Variants in VPS26B observed in about 807,000 individuals in gnomAD.
VPS26B encodes vacuolar protein sorting-associated protein 26B.
In VPS26B, 10 loss-of-function variants were observed where a neutral mutation model predicts 33.3. That is an observed-to-expected ratio of 0.30 (90% CI 0.19 to 0.51). The LOEUF is 0.51. VPS26B is among the 20% of genes least tolerant of loss of function. VPS26B has a pLI of 0.98. For missense variants in VPS26B, 317 were observed against 452.7 expected (o/e 0.70, Z 2.72); for synonymous variants, 190 against 176.9 (o/e 1.07, Z -0.59).
In VPS26B at chr11:134,240,223, T is replaced by C; in HGVS notation, c.545+68T>C. On this transcript the variant is annotated intron_variant, in intron 3 of 5. Transcript: ENST00000281187. This position sits in a 1 kb window ranked among gnomAD's most constrained non-coding sequence, Gnocchi z 4.4. ...AGGTTAAGATGGGACTTGATGCAGATGCAAACTGATGACCCTCTGTGACTC... is the reference window on the plus strand; with the variant it reads ...AGGTTAAGATGGGACTTGATGCAGACGCAAACTGATGACCCTCTGTGACTC... 6.5e-7 allele frequency: 1 copy of C among 1,542,016 alleles called. No homozygotes were observed. Among genetic ancestry groups the C allele is most frequent in the East Asian group, 2.2e-5 (1 of 44,524 alleles).
intron 2 of VPS26B, among the ~76,000 whole-genome samples, chr11:134,237,368 G>T (rs1938648464): frequency 6.6e-6 from 1 of 152,210 alleles, no homozygotes; most frequent in African/African-American, 2.4e-5. Flanking sequence ...CAGGCATGCA[G>T]CCGTGGAGAT....
chr11:134,231,700 G>A (rs1938557479), intron 1 of VPS26B, among the ~76,000 whole-genome samples: 1 of 152,174 alleles, frequency 6.6e-6, no homozygotes, highest in Non-Finnish European at 1.5e-5. Context: ...GAGTAGCTGG[G>A]ATTACAGATG....
chr11:134,243,033 C>T lies in VPS26B; in HGVS notation c.546-86C>T, dbSNP rs1461511918. ...TGCAACTGGACGTTTAACCAGCACG[C>T]TTGGCCGTGGCGTGTGCGCTCTACT... On this transcript the variant is annotated intron_variant, in intron 3 of 5. Transcript: ENST00000281187. The T allele has an allele frequency of 2.2e-6, 3 of 1,392,784 alleles. No individual in the cohort carries two copies. The African/African-American group carries it at 4.3e-5, about 20-fold the overall frequency. 86.3% of individuals were successfully genotyped at this position (1,392,784 alleles called of 1,614,324 possible).
chr11:134,225,848 G>A (rs1938453595), intron 1 of VPS26B, among the ~76,000 whole-genome samples: 2 of 152,086 alleles, frequency 1.3e-5, no homozygotes, highest in Non-Finnish European at 1.5e-5. Context: ...CTCTTTAGAT[G>A]TGGTGTGAGA....
chr11:134,239,280 T>C (rs558521449), intron 2 of VPS26B, among the ~76,000 whole-genome samples: 125 of 152,288 alleles, frequency 8.2e-4, no homozygotes, highest in Middle Eastern at 6.8e-3. Context: ...CTTTTCTCCC[T>C]CCACACAGCA....
chr11:134,234,916 G>A lies in VPS26B; in HGVS notation c.243G>A (p.Gly81=). 6.2e-7 allele frequency: 1 copy of A among 1,614,092 alleles called. No individual in the cohort carries two copies. Among genetic ancestry groups the A allele is most frequent in the Non-Finnish European group, 8.5e-7 (1 of 1,179,992 alleles). Residue 81 remains glycine (G), a synonymous_variant, in exon 2 of 6, where the codon GGG becomes GGA. Coordinates refer to ENST00000281187, the MANE Select transcript of VPS26B (RefSeq NM_052875.5). Reference sequence around the variant, plus strand: ...CACCAGAACTCTACTACGATCGCGGGAACCACCATGAGTTTGTGTCCCTGG... The same window carrying A: ...CACCAGAACTCTACTACGATCGCGGAAACCACCATGAGTTTGTGTCCCTGG... ...IGQIELYYDR[G]NHHEFVSLVK...
intron 1 of VPS26B, among the ~76,000 whole-genome samples, chr11:134,229,266 TCCTG>T (rs1173485848): frequency 6.6e-6 from 1 of 152,146 alleles, no homozygotes; most frequent in Admixed American, 6.5e-5. Context: ...CAAGCGATCC[TCCTG>T]CCTTGGCCTC....
rs780220459 is a variant in VPS26B at position 134,244,042 on chromosome 11, C to T, written c.721+748C>T. Reference sequence around the variant, plus strand: ...GCTGTTCCATGTGGAAGGAGGAGCGCCACAGATTTAGCTGCCTGCAGCTCT... The same window carrying T: ...GCTGTTCCATGTGGAAGGAGGAGCGTCACAGATTTAGCTGCCTGCAGCTCT... On this transcript the variant is annotated intron_variant, in intron 4 of 5. Transcript: ENST00000281187. This position sits in a 1 kb window ranked among gnomAD's most constrained non-coding sequence, Gnocchi z 4.0. 1.3e-5 allele frequency: 2 copies of T among 152,186 alleles called. No individual in the cohort carries two copies. The highest frequency in any genetic ancestry group is 2.9e-5 in the Non-Finnish European group (2 of 68,042). The allele number at this position is 152,186 out of a possible 1,614,324, so 9.4% of individuals were successfully genotyped here.
chr11:134,225,752 A>G (rs1938447317), intron 1 of VPS26B, among the ~76,000 whole-genome samples: 1 of 152,090 alleles, frequency 6.6e-6, no homozygotes, highest in Admixed American at 6.5e-5. Flanking sequence ...TGGCTTTCCC[A>G]TCGCCCGGCC....
At chr11:134,237,513 G>T (rs541427245) in intron 2 of VPS26B, among the ~76,000 whole-genome samples, 41 of 152,318 alleles carry the variant, frequency 2.7e-4, no homozygotes, top group Middle Eastern at 6.8e-3. Context: ...CGCAGACCTG[G>T]CACTAAGGAC....
Position 134,237,685 on chromosome 11 carries a change from C to T in VPS26B, c.381-2306C>T, listed in dbSNP as rs563847794. ...AATCAGGGCAGCGCCTCTGTGGAAC[C>T]GCGGGAAGAGTGTTTCAAGGAAGAA... On this transcript the variant is annotated intron_variant, in intron 2 of 5. Transcript: ENST00000281187. Among the ~76,000 whole-genome samples, 22 of 152,148 alleles carry T rather than the reference C, an allele frequency of 1.4e-4. No homozygotes were observed. The South Asian group carries it at 4.2e-3, about 29-fold the overall frequency.
At position 134,225,332 on chromosome 11, in the gene VPS26B, C is replaced by A. The variant is rs1035067092; in HGVS notation, c.210C>A (p.Phe70Leu). Residue 70 changes from phenylalanine (F) to leucine (L), a missense_variant, in exon 1 of 6, where the codon TTC becomes TTA. Phe to Leu is a conservative substitution (Grantham distance 22). Coordinates refer to ENST00000281187, the MANE Select transcript of VPS26B (RefSeq NM_052875.5). ...RLEHQGIKIE[F>L]IGQIELYYDR... Reference sequence around the variant, plus strand: ...AGCACCAGGGCATCAAGATCGAGTTCATCGGGCAGATCGGTGAGTCGACCC... The same window carrying A: ...AGCACCAGGGCATCAAGATCGAGTTAATCGGGCAGATCGGTGAGTCGACCC... 6.2e-7 allele frequency: 1 copy of A among 1,613,862 alleles called. No homozygotes were observed. Among genetic ancestry groups the A allele is most frequent in the Non-Finnish European group, 8.5e-7 (1 of 1,179,882 alleles).
At chr11:134,238,628 C>T (rs902983336) in intron 2 of VPS26B, among the ~76,000 whole-genome samples, 3 of 152,184 alleles carry the variant, frequency 2.0e-5, no homozygotes, top group African/African-American at 7.2e-5. Context: ...CGGAGTCTCG[C>T]TCTGTTGCCC....
At chr11:134,233,369 A>G (rs889179714) in intron 1 of VPS26B, among the ~76,000 whole-genome samples, 4 of 152,186 alleles carry the variant, frequency 2.6e-5, no homozygotes, top group Admixed American at 2.6e-4. Context: ...TTGAACACAG[A>G]ATCCTTGAGG....
chr11:134,229,597 C>G (rs1445791396), intron 1 of VPS26B, among the ~76,000 whole-genome samples: 1 of 152,314 alleles, frequency 6.6e-6, no homozygotes, highest in Non-Finnish European at 1.5e-5. Context: ...GGCTCCTCCT[C>G]CCACACATGC....
chr11:134,230,129 C>G (rs1003319339), intron 1 of VPS26B, among the ~76,000 whole-genome samples: 10 of 152,284 alleles, frequency 6.6e-5, no homozygotes, highest in Admixed American at 2.0e-4. Context: ...CCAGAGGCCT[C>G]ATTAATACCT....
chr11:134,245,630 C>A lies in VPS26B; in HGVS notation c.*40C>A, dbSNP rs186917699. 6.4e-7 allele frequency: 1 copy of A among 1,568,388 alleles called. No individual in the cohort carries two copies. On this transcript the variant is annotated 3_prime_UTR_variant, in exon 6 of 6. Coordinates refer to ENST00000281187, the MANE Select transcript of VPS26B (RefSeq NM_052875.5). The surrounding 1 kb of genome is among the most constrained non-coding windows in gnomAD (Gnocchi z 4.7). ...GAAGATGCTGGGCACCCACCCAGCA[C>A]CCCCATCTACCAACACCAGCGGCTG...
At position 134,245,160 on chromosome 11, in the gene VPS26B, A is replaced by G; in HGVS notation, c.864+80A>G. 1 of 1,546,996 alleles carries G rather than the reference A, an allele frequency of 6.5e-7. No homozygotes were observed. ...TCTTTCCTATGGAAGGTCAGACTCC[A>G]TTTTTGCCAAGAGGTGGGAACATTA... is the stretch of plus-strand genomic sequence containing the variant. On this transcript the variant is annotated intron_variant, in intron 5 of 5. Transcript: ENST00000281187. This position sits in a 1 kb window ranked among gnomAD's most constrained non-coding sequence, Gnocchi z 4.7.
In VPS26B at chr11:134,240,139, G is replaced by C; in HGVS notation, c.529G>C (p.Glu177Gln). 1 of 1,614,202 alleles carries C rather than the reference G, an allele frequency of 6.2e-7. No homozygotes were observed. The highest frequency in any genetic ancestry group is 8.5e-7 in the Non-Finnish European group (1 of 1,180,048). Residue 177 changes from glutamate (E) to glutamine (Q), a missense_variant, in exon 3 of 6, where the codon GAG (glutamate) becomes CAG (glutamine). Physicochemically the swap from Glu to Gln is conservative, Grantham distance 29. Coordinates refer to ENST00000281187, the MANE Select transcript of VPS26B (RefSeq NM_052875.5). This position sits in a 1 kb window ranked among gnomAD's most constrained non-coding sequence, Gnocchi z 4.4. ...GIEDCLHIEF[E>Q]YNKSKYHLKD... ...TGAGGACTGTCTGCACATTGAATTT[G>C]AGTACAATAAATCCAAGTAAGTGTC...
Sources: allele counts gnomAD v4.1 joint callset (sites outside exome capture counted in the v4.1 genomes callset), GRCh38; gene constraint gnomAD v4.1.1; non-coding constraint Gnocchi (gnomAD v3.1); transcripts MANE v1.5; gene names NCBI Gene and HGNC (gene_info 2026-07-23, HGNC 2026-07-21).